The following OSBPL3 variants were observed in gnomAD, a reference collection of about 807,000 sequenced individuals.
The protein encoded by OSBPL3 is oxysterol binding protein like 3.
OSBPL3 carries 65 observed loss-of-function variants against 120.1 expected under a neutral mutation model. The ratio of observed to expected loss-of-function variants is 0.54; its 90% CI spans 0.44 to 0.67. The LOEUF is 0.67. Ranked by LOEUF, OSBPL3 falls within the 30% of genes least tolerant of loss-of-function variation. The pLI is 0.00. For synonymous variants in OSBPL3, 416 were observed against 402.6 expected (o/e 1.03, Z -0.40); for missense variants, 1,004 against 1,082.1 (o/e 0.93, Z 1.01).
intron 1 of OSBPL3, among the ~76,000 whole-genome samples, chr7:24,929,132 T>C (rs1376822862): frequency 6.6e-6 from 1 of 152,206 alleles, no homozygotes; most frequent in Non-Finnish European, 1.5e-5. Context: ...TTGCTCCACA[T>C]CCTAGCCAAC....
At chr7:24,931,529 A>C (rs1317554925) in intron 1 of OSBPL3, among the ~76,000 whole-genome samples, 1 of 152,194 alleles carries the variant, frequency 6.6e-6, no homozygotes, top group African/African-American at 2.4e-5. Flanking sequence ...GCCATGAGCC[A>C]AGGAATGCAA....
chr7:24,878,553 T>C (rs969699576), intron 2 of OSBPL3, among the ~76,000 whole-genome samples: 1 of 152,192 alleles, frequency 6.6e-6, no homozygotes, highest in Admixed American at 6.5e-5. Flanking sequence ...TACTTGTCAA[T>C]AGATTTTCAA....
chr7:24,800,574 A>C (rs1157248430), intron 22 of OSBPL3, among the ~76,000 whole-genome samples: 1 of 148,688 alleles, frequency 6.7e-6, no homozygotes, highest in Non-Finnish European at 1.5e-5. Context: ...CTCCTGCCTC[A>C]GCCTCCCGAG....
At chr7:24,887,401 C>A (rs1449498081) in intron 2 of OSBPL3, among the ~76,000 whole-genome samples, 2 of 152,216 alleles carry the variant, frequency 1.3e-5, no homozygotes, top group Non-Finnish European at 2.9e-5. Flanking sequence ...GAAACAAGGT[C>A]ATGTGAGTTC....
chr7:24,868,134 T>C (rs767050752), intron 5 of OSBPL3, among the ~76,000 whole-genome samples: 2 of 151,988 alleles, frequency 1.3e-5, no homozygotes, highest in Non-Finnish European at 1.5e-5. Context: ...CTGGCCAACA[T>C]GGTGAAACCC....
rs546313229 is a variant in OSBPL3 at position 24,798,611 on chromosome 7, C to T, written c.*1572G>A. ...TGCAGATTCCAGAAGGCTACACATC[C>T]ACTTTAAATAACTCTCCATTTTGAA... On this transcript the variant is annotated 3_prime_UTR_variant, in exon 23 of 23. Transcript: ENST00000313367. This position sits in a 1 kb window ranked among gnomAD's most constrained non-coding sequence, Gnocchi z 4.6. The T allele has an allele frequency of 9.2e-5, 14 of 152,298 alleles. No homozygotes were observed. The highest frequency in any genetic ancestry group is 3.4e-4 in the African/African-American group (14 of 41,560). The allele number at this position is 152,298 out of a possible 1,614,324, so 9.4% of individuals were successfully genotyped here. A position where few individuals can be genotyped will look rare whatever the true frequency, so the allele number is the denominator to read the frequency against.
chr7:24,884,470 TTTCAC>T (rs1209096475), intron 2 of OSBPL3, among the ~76,000 whole-genome samples: 3 of 152,098 alleles, frequency 2.0e-5, no homozygotes, highest in African/African-American at 7.2e-5. Flanking sequence ...ATCGGAGAGT[TTTCAC>T]TTCGAGTGTC....
In OSBPL3 at chr7:24,820,243, T is replaced by C. The variant is rs1414626927; in HGVS notation, c.1885-5A>G. 6.2e-7 allele frequency: 1 copy of C among 1,610,056 alleles called. No individual in the cohort carries two copies. The highest frequency in any genetic ancestry group is 8.5e-7 in the Non-Finnish European group (1 of 1,177,358). ...GATAGGCGGATGGTGGCTGACCTGA[T>C]GGAAACAAAGGACAGAAAAACAAAA... On this transcript the variant is annotated splice_region_variant and splice_polypyrimidine_tract_variant and intron_variant, in intron 16 of 22. Transcript: ENST00000313367. The surrounding 1 kb of genome is among the most constrained non-coding windows in gnomAD (Gnocchi z 4.6).
intron 2 of OSBPL3, among the ~76,000 whole-genome samples, chr7:24,874,996 A>G (rs906257344): frequency 6.6e-6 from 1 of 152,200 alleles, no homozygotes; most frequent in Admixed American, 6.5e-5. Context: ...AATGATAGGG[A>G]GATGCCTCTG....
At position 24,831,365 on chromosome 7, in the gene OSBPL3, T is replaced by C. The variant is rs955559397; in HGVS notation, c.1747-460A>G. ...ATAAATTTAACCATTCAAAATGTGG[T>C]ATTATAGAAACCAAAACATTCATTT... On this transcript the variant is annotated intron_variant, in intron 15 of 22. Transcript: ENST00000313367. This position sits in a 1 kb window ranked among gnomAD's most constrained non-coding sequence, Gnocchi z 4.0. Among the ~76,000 whole-genome samples the C allele has an allele frequency of 3.3e-5, 5 of 152,130 alleles. No homozygotes were observed. Among genetic ancestry groups the C allele is most frequent in the African/African-American group, 1.2e-4 (5 of 41,416 alleles).
rs1007339479 is a variant in OSBPL3 at position 24,806,847 on chromosome 7, T to C, written c.2373A>G (p.Glu791=). 24 of 1,613,826 alleles carry C rather than the reference T, an allele frequency of 1.5e-5. No individual in the cohort carries two copies. The highest frequency in any genetic ancestry group is 1.9e-5 in the Non-Finnish European group (23 of 1,179,790). ...QYYSFTQFAL[E]LNEMDPSSKS... ...TTGATGATGGATCCATTTCATTTAATTCCAGCGCAAACTGTGTGAAGCTAT... is the reference window on the plus strand; with the variant it reads ...TTGATGATGGATCCATTTCATTTAACTCCAGCGCAAACTGTGTGAAGCTAT... Residue 791 remains glutamate, a synonymous_variant, in exon 21 of 23, where the codon GAA becomes GAG. Coordinates refer to ENST00000313367, the MANE Select transcript of OSBPL3 (RefSeq NM_015550.4). The surrounding 1 kb of genome is among the most constrained non-coding windows in gnomAD (Gnocchi z 5.2).
In OSBPL3 at chr7:24,972,170, C is replaced by T. The variant is rs1817096448; in HGVS notation, c.-150+7716G>A. 6.6e-6 allele frequency among the ~76,000 whole-genome samples: 1 copy of T among 152,204 alleles called. No individual in the cohort carries two copies. The highest frequency in any genetic ancestry group is 2.1e-4 in the South Asian group (1 of 4,834). On this transcript the variant is annotated intron_variant, in intron 1 of 22. Transcript: ENST00000313367. This position sits in a 1 kb window ranked among gnomAD's most constrained non-coding sequence, Gnocchi z 4.3. ...TAAAAACTCAACTTTGGATTCAACT[C>T]CCATTAGCAAATAAACAAACCTGTG...
intron 14 of OSBPL3, among the ~76,000 whole-genome samples, chr7:24,839,781 G>A (rs1345210984): frequency 6.6e-6 from 1 of 151,898 alleles, no homozygotes; most frequent in Non-Finnish European, 1.5e-5. Context: ...TTGACGTCAG[G>A]AGTTCAAGAC....
Position 24,939,614 on chromosome 7 carries a change from G to A in OSBPL3, c.-150+40272C>T, listed in dbSNP as rs1203486610. 6.6e-6 allele frequency among the ~76,000 whole-genome samples: 1 copy of A among 152,180 alleles called. No individual in the cohort carries two copies. The highest frequency in any genetic ancestry group is 1.5e-5 in the Non-Finnish European group (1 of 68,030). On this transcript the variant is annotated intron_variant, in intron 1 of 22. Transcript: ENST00000313367. The surrounding 1 kb of genome is among the most constrained non-coding windows in gnomAD (Gnocchi z 4.2). Reference sequence around the variant, plus strand: ...TCAACCCACTGAATTAAGCAACTCTGGAACTTCCCTAATTTTAGACTTTTT... The same window carrying A: ...TCAACCCACTGAATTAAGCAACTCTAGAACTTCCCTAATTTTAGACTTTTT...
intron 10 of OSBPL3, among the ~76,000 whole-genome samples, chr7:24,859,067 A>G (rs924554574): frequency 2.6e-5 from 4 of 152,230 alleles, no homozygotes; most frequent in Admixed American, 2.6e-4. Flanking sequence ...CTGCACAACA[A>G]AACACTCATA....
intron 1 of OSBPL3, among the ~76,000 whole-genome samples, chr7:24,958,035 T>C (rs1815281293): frequency 6.6e-6 from 1 of 152,190 alleles, no homozygotes; most frequent in Non-Finnish European, 1.5e-5. Context: ...TTCCAGTCTT[T>C]TACTGTCATA....
rs576392313 is a variant in OSBPL3 at position 24,918,461 on chromosome 7, G to C, written c.-149-25840C>G. Reference sequence around the variant, plus strand: ...TGGAAGAAAGAAGTGCCACTCGAGAGAGTTAAAACACTAAGTCAGCTGGAT... The same window carrying C: ...TGGAAGAAAGAAGTGCCACTCGAGACAGTTAAAACACTAAGTCAGCTGGAT... On this transcript the variant is annotated intron_variant, in intron 1 of 22. Coordinates refer to ENST00000313367, the MANE Select transcript of OSBPL3 (RefSeq NM_015550.4). The surrounding 1 kb of genome is among the most constrained non-coding windows in gnomAD (Gnocchi z 4.3). Among the ~76,000 whole-genome samples, 77 of 152,306 alleles carry C rather than the reference G, an allele frequency of 5.1e-4. 2 individuals are homozygous for C. In the South Asian group the frequency reaches 0.013, roughly 26 times the overall value.
chr7:24,848,833 AAG>A lies in OSBPL3; in HGVS notation c.1266+234_1266+235del, dbSNP rs536822718. On this transcript the variant is annotated intron_variant, in intron 12 of 22. Coordinates refer to ENST00000313367, the MANE Select transcript of OSBPL3 (RefSeq NM_015550.4). ...GAGCGAAACAGAAATATAAAAAAAAAAGAGAGTTCTGGGGAAGGAAGCAGTTT... is the reference window on the plus strand; with the variant it reads ...GAGCGAAACAGAAATATAAAAAAAAAAGAGTTCTGGGGAAGGAAGCAGTTT... 2.4e-4 allele frequency among the ~76,000 whole-genome samples: 36 copies of A among 152,356 alleles called. No individual in the cohort carries two copies. In the South Asian group the frequency reaches 2.5e-3, roughly 11 times the overall value.
rs1794917038 is a variant in OSBPL3 at position 24,819,944 on chromosome 7, AGGCATTTCAAATGATTTTTACAT to A, written c.1948+208_1948+230del. Among the ~76,000 whole-genome samples, 1 of 152,224 alleles carries A rather than the reference AGGCATTTCAAATGATTTTTACAT, an allele frequency of 6.6e-6. No individual in the cohort carries two copies. Among genetic ancestry groups the A allele is most frequent in the African/African-American group, 2.4e-5 (1 of 41,448 alleles). On this transcript the variant is annotated intron_variant, in intron 17 of 22. Transcript: ENST00000313367. The surrounding 1 kb of genome is among the most constrained non-coding windows in gnomAD (Gnocchi z 4.1). ...TATTTAATGTCTCTTGAAATATGTG[AGGCATTTCAAATGATTTTTACAT>A]AAGATAAAGTTACAGAAATAAATGG...
Sources: gnomAD v4.1 joint callset for allele counts (sites outside exome capture counted in the v4.1 genomes callset) on GRCh38, gnomAD v4.1.1 for gene constraint, Gnocchi (gnomAD v3.1) non-coding constraint, MANE v1.5 for transcripts, NCBI Gene and HGNC (gene_info 2026-07-23, HGNC 2026-07-21) for gene names.